CIP2A: variants seen among roughly 807,000 people sequenced by gnomAD.
CIP2A encodes the protein protein CIP2A.
A neutral mutation model predicts 110.9 loss-of-function variants in CIP2A; 103 were observed. The observed-to-expected ratio is 0.93, with a 90% CI of 0.79 to 1.09. The LOEUF (loss-of-function observed/expected upper bound fraction) is 1.09. CIP2A is among the 50% of genes least tolerant of loss of function. CIP2A has a pLI of 0.00. For missense variants in CIP2A, 1,088 were observed against 1,038.4 expected, an observed-to-expected ratio of 1.05 and a Z score of -0.66; for synonymous variants, 381 against 361.6, an observed-to-expected ratio of 1.05 and a Z score of -0.61.
intron 1 of CIP2A, among the ~76,000 whole-genome samples, chr3:108,586,566 AATACTT>A (rs1207954493): frequency 6.6e-6 from 1 of 152,180 alleles, no homozygotes; most frequent in Non-Finnish European, 1.5e-5. Flanking sequence ...AATAATAACT[AATACTT>A]ATACAGCACT....
At chr3:108,575,329 C>T (rs62266398) in intron 8 of CIP2A, among the ~76,000 whole-genome samples, 30,866 of 149,410 alleles carry the variant, frequency 0.21, 3,788 homozygotes, top group East Asian at 0.45. Context: ...TGTACACACA[C>T]GTGTATATAT....
chr3:108,583,073 A>G lies in CIP2A; in HGVS notation c.261T>C (p.Ile87=), dbSNP rs150720086. 60 of 1,588,706 alleles carry G rather than the reference A, an allele frequency of 3.8e-5. No individual in the cohort carries two copies. In the African/African-American group the frequency reaches 7.7e-4, roughly 20 times the overall value. The stretch of plus-strand genomic sequence containing the variant: ...TATTCTGAAGACAATCTCTGGTTTC[A>G]ATGTCTACTGCTATAAGTTAAAATA... ...IGLLSQLAVD[I]ETRDCLQNTY... is the part of the protein sequence containing the mutation. Residue 87 remains isoleucine, a synonymous_variant, in exon 3 of 21, where the codon ATT becomes ATC. Coordinates refer to ENST00000295746, the MANE Select transcript of CIP2A (RefSeq NM_020890.3).
chr3:108,560,561 G>A, intron 14 of CIP2A, 88 bp downstream of exon 14: 1 of 730,332 alleles, frequency 1.4e-6, no homozygotes, highest in South Asian at 2.6e-5. Flanking sequence ...AGTGAAATCT[G>A]TACCTGACAG....
chr3:108,574,727 C>G (rs894807405), intron 8 of CIP2A: 3 of 152,704 alleles, frequency 2.0e-5, no homozygotes, highest in African/African-American at 7.2e-5. Flanking sequence ...TGTCTCTGAC[C>G]TCCTGCTGTC....
intron 8 of CIP2A, among the ~76,000 whole-genome samples, chr3:108,572,663 T>C (rs1559697315): frequency 6.6e-6 from 1 of 152,116 alleles, no homozygotes. Flanking sequence ...AAATAAAATA[T>C]ATATTTACTG....
chr3:108,563,820 T>C (rs1938090386), intron 12 of CIP2A, among the ~76,000 whole-genome samples: 1 of 151,990 alleles, frequency 6.6e-6, no homozygotes, highest in African/African-American at 2.4e-5. Context: ...TTTAGAATAT[T>C]TACATGTACT....
intron 2 of CIP2A, among the ~76,000 whole-genome samples, chr3:108,584,571 C>T (rs1035091790): frequency 6.6e-6 from 1 of 152,100 alleles, no homozygotes; most frequent in Non-Finnish European, 1.5e-5. Context: ...ACCCACACTT[C>T]GAATGCTTAA....
chr3:108,575,425 T>C (rs898498878), intron 8 of CIP2A, among the ~76,000 whole-genome samples: 3 of 95,500 alleles, frequency 3.1e-5, no homozygotes, highest in Admixed American at 2.6e-4. Context: ...CATATACATG[T>C]ATACATACAC....
chr3:108,557,321 CTCTT>C lies in CIP2A; in HGVS notation c.2103_2106del (p.Ala703ArgfsTer14), dbSNP rs774122849. ...AAGAGATGCTCAATATCACTCTGCG[CTCTT>C]TCTGATTCAACTTGCTGCGCCTTCA... On this transcript the variant is annotated frameshift_variant, in exon 17 of 21. Coordinates refer to ENST00000295746, the MANE Select transcript of CIP2A (RefSeq NM_020890.3). LOFTEE classifies it high-confidence loss of function. 1.9e-6 allele frequency: 3 copies of C among 1,612,872 alleles called. No homozygotes were observed. The highest frequency in any genetic ancestry group is 1.1e-5 in the South Asian group (1 of 90,936).
chr3:108,575,548 A>G (rs1270957143), intron 8 of CIP2A, among the ~76,000 whole-genome samples: 4 of 148,434 alleles, frequency 2.7e-5, no homozygotes, highest in East Asian at 4.5e-4. Flanking sequence ...ACTCATATAC[A>G]TGTGTATATA....
chr3:108,576,212 A>G lies in CIP2A; in HGVS notation c.894+59T>C, dbSNP rs1364822806. Reference sequence around the variant, plus strand: ...TTTTTCTGTATTTTGCAGTTTTTTAAAAGTTTCGGCATTTTGCAGTTTTTA... The same window carrying G: ...TTTTTCTGTATTTTGCAGTTTTTTAGAAGTTTCGGCATTTTGCAGTTTTTA... On this transcript the variant is annotated intron_variant, in intron 8 of 20. Coordinates refer to ENST00000295746, the MANE Select transcript of CIP2A (RefSeq NM_020890.3). 6.4e-6 allele frequency: 7 copies of G among 1,096,134 alleles called. No homozygotes were observed. The East Asian group carries it at 1.8e-4, about 28-fold the overall frequency. The allele number at this position is 1,096,134 out of a possible 1,614,324, so 67.9% of individuals were successfully genotyped here. A position where few individuals can be genotyped will look rare whatever the true frequency, so the allele number is the denominator to read the frequency against.
chr3:108,551,336 G>T lies in CIP2A; in HGVS notation c.2548-17C>A. ...GGAGGAAGCCTAAGGAATTGGGGTT[G>T]GGGGAGGAGGAAGAATTGAGAAGAA... is the stretch of plus-strand genomic sequence containing the variant. On this transcript the variant is annotated splice_polypyrimidine_tract_variant and intron_variant, in intron 20 of 20. Coordinates refer to ENST00000295746, the MANE Select transcript of CIP2A (RefSeq NM_020890.3). 1 of 1,570,586 alleles carries T rather than the reference G, an allele frequency of 6.4e-7. No individual in the cohort carries two copies. The highest frequency in any genetic ancestry group is 1.2e-5 in the South Asian group (1 of 83,472).
At chr3:108,577,057 A>T (rs1938680718) in intron 7 of CIP2A, among the ~76,000 whole-genome samples, 1 of 152,212 alleles carries the variant, frequency 6.6e-6, no homozygotes, top group Non-Finnish European at 1.5e-5. Flanking sequence ...CATATAAGAG[A>T]GAAAGTATTC....
At chr3:108,575,254 A>G (rs1052070108) in intron 8 of CIP2A, among the ~76,000 whole-genome samples, 1 of 151,954 alleles carries the variant, frequency 6.6e-6, no homozygotes, top group African/African-American at 2.4e-5. Flanking sequence ...TCCAAAATAT[A>G]TATGTACATG....
At chr3:108,570,723 T>C (rs949854286) in intron 8 of CIP2A, among the ~76,000 whole-genome samples, 3 of 152,138 alleles carry the variant, frequency 2.0e-5, no homozygotes, top group Non-Finnish European at 2.9e-5. Context: ...GACTGAGTAG[T>C]GAGTGAATGT....
At position 108,551,057 on chromosome 3, in the gene CIP2A, A is replaced by G. The variant is rs2083889909; in HGVS notation, c.*92T>C. 2 of 570,052 alleles carry G rather than the reference A, an allele frequency of 3.5e-6. No individual in the cohort carries two copies. Among genetic ancestry groups the G allele is most frequent in the South Asian group, 8.3e-5 (2 of 24,142 alleles). 35.3% of individuals were successfully genotyped at this position (570,052 alleles called of 1,614,324 possible). On this transcript the variant is annotated 3_prime_UTR_variant, in exon 21 of 21. Coordinates refer to ENST00000295746, the MANE Select transcript of CIP2A (RefSeq NM_020890.3). ...AGATAATAACTTCTTATTGTTACGA[A>G]GTCACAAATTAACTCCCCTACCCAC...
At position 108,560,207 on chromosome 3, in the gene CIP2A, T is replaced by C. The variant is rs1187117695; in HGVS notation, c.1828-179A>G. Among the ~76,000 whole-genome samples, 8 of 152,064 alleles carry C rather than the reference T, an allele frequency of 5.3e-5. No individual in the cohort carries two copies. The South Asian group carries it at 1.7e-3, about 32-fold the overall frequency. On this transcript the variant is annotated intron_variant, in intron 14 of 20. Coordinates refer to ENST00000295746, the MANE Select transcript of CIP2A (RefSeq NM_020890.3). ...TTTTTTTTTTTGAGATGGGTCTCAC[T>C]GTCACCCAGGTTGGAGTGAAGTGGT...
At chr3:108,584,464 T>G (rs1000088108) in intron 2 of CIP2A, among the ~76,000 whole-genome samples, 2 of 152,188 alleles carry the variant, frequency 1.3e-5, no homozygotes, top group Admixed American at 6.5e-5. Context: ...CCCATTTTAC[T>G]CTATGTCTGG....
chr3:108,565,868 T>C (rs1050313034), intron 11 of CIP2A, among the ~76,000 whole-genome samples: 2 of 151,776 alleles, frequency 1.3e-5, no homozygotes, highest in Non-Finnish European at 3.0e-5. Flanking sequence ...CTGAAAGTAG[T>C]ATACAAATAT....
Sources: gnomAD v4.1 joint callset for allele counts (sites outside exome capture counted in the v4.1 genomes callset) on GRCh38, gnomAD v4.1.1 for gene constraint, MANE v1.5 for transcripts, NCBI Gene and HGNC (gene_info 2026-07-23, HGNC 2026-07-21) for gene names.